The following APBA1 variants were observed in gnomAD, a reference collection of about 807,000 sequenced individuals.
APBA1 encodes amyloid beta precursor protein binding family A member 1.
In APBA1, 55 loss-of-function variants were observed where a neutral mutation model predicts 86.6. The observed-to-expected ratio is 0.64, with a 90% CI of 0.51 to 0.80. APBA1 has a LOEUF of 0.80. Among genes scored for constraint, APBA1 ranks in the 30% least tolerant of loss-of-function variants. APBA1 has a pLI of 0.00. For synonymous variants in APBA1, 511 were observed against 493.9 expected (o/e 1.03, Z -0.46); for missense variants, 1,090 against 1,183.0 (o/e 0.92, Z 1.15).
chr9:69,604,607 CAT>C (rs1292094174), intron 1 of APBA1, among the ~76,000 whole-genome samples: 1 of 133,074 alleles, frequency 7.5e-6, no homozygotes, highest in African/African-American at 2.9e-5. Context: ...TGGGCACACA[CAT>C]GAGGGTAAGT....
intron 2 of APBA1, among the ~76,000 whole-genome samples, chr9:69,491,222 T>C (rs866185592): frequency 1.2e-4 from 19 of 152,024 alleles, no homozygotes; most frequent in Middle Eastern, 3.2e-3. Context: ...CCAACAATGA[T>C]AGACTGGATT....
intron 1 of APBA1, among the ~76,000 whole-genome samples, chr9:69,535,425 A>G (rs1836493497): frequency 6.6e-6 from 1 of 152,118 alleles, no homozygotes. Flanking sequence ...GTACCTTTCA[A>G]TATGTTTTTC....
intron 2 of APBA1, among the ~76,000 whole-genome samples, chr9:69,500,238 A>G (rs1210204572): frequency 6.6e-6 from 1 of 152,138 alleles, no homozygotes; most frequent in Non-Finnish European, 1.5e-5. Context: ...AAGGGCTACT[A>G]AAGGCCAGCC....
chr9:69,664,049 CAT>C (rs1823802315), intron 1 of APBA1, among the ~76,000 whole-genome samples: 1 of 152,078 alleles, frequency 6.6e-6, no homozygotes, highest in Non-Finnish European at 1.5e-5. Flanking sequence ...CATGAAAAAA[CAT>C]ATTACCTGGT....
intron 2 of APBA1, among the ~76,000 whole-genome samples, chr9:69,515,357 C>T (rs1457486129): frequency 1.3e-5 from 2 of 152,112 alleles, no homozygotes; most frequent in Non-Finnish European, 2.9e-5. Context: ...TGAGAAAACG[C>T]TGGTCTCAGG....
At chr9:69,662,210 T>C (rs1823767029) in intron 1 of APBA1, among the ~76,000 whole-genome samples, 1 of 152,136 alleles carries the variant, frequency 6.6e-6, no homozygotes, top group African/African-American at 2.4e-5. Flanking sequence ...GCAAATCCCC[T>C]TTGTCCTGTT....
chr9:69,606,074 ACT>A (rs1822463860), intron 1 of APBA1, among the ~76,000 whole-genome samples: 1 of 152,148 alleles, frequency 6.6e-6, no homozygotes, highest in African/African-American at 2.4e-5. Context: ...AAAAGAATCC[ACT>A]CTCATACTCA....
chr9:69,537,034 C>A (rs537167100), intron 1 of APBA1, among the ~76,000 whole-genome samples: 1 of 146,022 alleles, frequency 6.8e-6, no homozygotes, highest in Admixed American at 7.0e-5. Context: ...ATCACCACTA[C>A]GCACTAAGAT....
At position 69,498,549 on chromosome 9, in the gene APBA1, G is replaced by C. The variant is rs182317225; in HGVS notation, c.1200+17462C>G. The stretch of plus-strand genomic sequence containing the variant: ...AGAGCAGAGGAGGCTTGAAGGTCTC[G>C]CTTGGGGCTTGACAAAGGACTAGCT... On this transcript the variant is annotated intron_variant, in intron 2 of 12. Transcript: ENST00000265381. Among the ~76,000 whole-genome samples, 328 of 152,238 alleles carry C rather than the reference G, an allele frequency of 2.2e-3. 3 individuals carry two copies. The highest frequency in any genetic ancestry group is 7.1e-3 in the African/African-American group (295 of 41,558).
At chr9:69,498,703 G>A (rs1835837298) in intron 2 of APBA1, among the ~76,000 whole-genome samples, 1 of 152,088 alleles carries the variant, frequency 6.6e-6, no homozygotes, top group Admixed American at 6.5e-5. Flanking sequence ...TATTGAATGA[G>A]TGGATGATAA....
chr9:69,586,118 G>A (rs770201908), intron 1 of APBA1, among the ~76,000 whole-genome samples: 1 of 152,158 alleles, frequency 6.6e-6, no homozygotes, highest in Non-Finnish European at 1.5e-5. Flanking sequence ...GGGGCAAGCA[G>A]CTAGAGCCAT....
chr9:69,522,408 CT>C (rs1277039167), intron 1 of APBA1, among the ~76,000 whole-genome samples: 1 of 152,022 alleles, frequency 6.6e-6, no homozygotes, highest in East Asian at 1.9e-4. Context: ...CTTTGCTGCC[CT>C]TATTCACTCA....
chr9:69,519,281 C>T (rs1164319601), intron 1 of APBA1, among the ~76,000 whole-genome samples: 2 of 152,200 alleles, frequency 1.3e-5, no homozygotes, highest in Non-Finnish European at 2.9e-5. Flanking sequence ...AGTGCATGAC[C>T]TAGATCCTTT....
chr9:69,467,782 A>G (rs767040500), intron 5 of APBA1, 41 bp downstream of exon 5: 3 of 1,612,768 alleles, frequency 1.9e-6, no homozygotes, highest in Admixed American at 3.3e-5. Flanking sequence ...CAGTGCCTAC[A>G]CCAGCCCCCT....
In APBA1 at chr9:69,634,408, A is replaced by T. The variant is rs572822012; in HGVS notation, c.-70+37745T>A. On this transcript the variant is annotated intron_variant, in intron 1 of 12. Coordinates refer to ENST00000265381, the MANE Select transcript of APBA1 (RefSeq NM_001163.4). Reference sequence around the variant, plus strand: ...AACTTGAGTTCCTGCAAGTCTTGCCACTGCGGATTAAAGTGTTCTGAGGTC... The same window carrying T: ...AACTTGAGTTCCTGCAAGTCTTGCCTCTGCGGATTAAAGTGTTCTGAGGTC... Among the ~76,000 whole-genome samples, 13 of 152,344 alleles carry T rather than the reference A, an allele frequency of 8.5e-5. No individual in the cohort carries two copies. In the South Asian group the frequency reaches 2.7e-3, roughly 32 times the overall value.
chr9:69,545,639 G>A (rs1027194685), intron 1 of APBA1, among the ~76,000 whole-genome samples: 2 of 152,168 alleles, frequency 1.3e-5, no homozygotes, highest in Admixed American at 1.3e-4. Context: ...TTCTAAACAC[G>A]TTGATGTCAG....
chr9:69,616,128 C>T (rs942018030), intron 1 of APBA1, among the ~76,000 whole-genome samples: 1 of 152,194 alleles, frequency 6.6e-6, no homozygotes, highest in East Asian at 1.9e-4. Flanking sequence ...ATCTTTTAGT[C>T]CACGCAGTGA....
chr9:69,623,732 A>G (rs1402484216), intron 1 of APBA1, among the ~76,000 whole-genome samples: 1 of 152,206 alleles, frequency 6.6e-6, no homozygotes, highest in Non-Finnish European at 1.5e-5. Context: ...ACATTCTAAC[A>G]GGCTCCCTGG....
At chr9:69,446,983 T>C (rs1834920376) in intron 10 of APBA1, among the ~76,000 whole-genome samples, 1 of 152,220 alleles carries the variant, frequency 6.6e-6, no homozygotes, top group South Asian at 2.1e-4. Context: ...CAACAGGCAT[T>C]TATCCCTCAC....
Sources: allele counts gnomAD v4.1 joint callset (sites outside exome capture counted in the v4.1 genomes callset), GRCh38; gene constraint gnomAD v4.1.1; transcripts MANE v1.5; gene names NCBI Gene and HGNC (gene_info 2026-07-23, HGNC 2026-07-21).